Variants in GRIA4 observed in about 807,000 individuals in gnomAD.
GRIA4 encodes glutamate receptor 4.
In GRIA4, 34 loss-of-function variants were observed where a neutral mutation model predicts 104.0. That is an observed-to-expected ratio of 0.33 (90% CI 0.25 to 0.44). The LOEUF (loss-of-function observed/expected upper bound fraction) is 0.44, where lower values mean the gene tolerates loss of function less well. Ranked by LOEUF, GRIA4 falls within the 20% of genes least tolerant of loss-of-function variation. The probability of loss-of-function intolerance (pLI) is 1.00; values close to 1 mark genes in which losing one functional copy is unlikely to be tolerated. For synonymous variants in GRIA4, 386 were observed against 381.9 expected (o/e 1.01, Z -0.13); for missense variants, 750 against 1,096.5 (o/e 0.68, Z 4.46).
At chr11:105,933,118 T>C (rs1474442069) in intron 13 of GRIA4, among the ~76,000 whole-genome samples, 2 of 151,946 alleles carry the variant, frequency 1.3e-5, no homozygotes, top group Non-Finnish European at 2.9e-5. Flanking sequence ...GGCATGCACC[T>C]GTAGTCCAAG....
Position 105,948,101 on chromosome 11 carries a change from A to T in GRIA4, c.2294+14132A>T, listed in dbSNP as rs574196265. 2.0e-5 allele frequency among the ~76,000 whole-genome samples: 3 copies of T among 152,324 alleles called. No homozygotes were observed. The East Asian group carries it at 5.8e-4, about 29-fold the overall frequency. ...TTAGCTTGTAATCTCTGTTTCTATA[A>T]GAAGCACTCTTAGTTTGTAATCCCT... is the stretch of plus-strand genomic sequence containing the variant. On this transcript the variant is annotated intron_variant, in intron 14 of 16. Transcript: ENST00000282499.
At chr11:105,703,330 A>G (rs1199038985) in intron 3 of GRIA4, among the ~76,000 whole-genome samples, 1 of 152,210 alleles carries the variant, frequency 6.6e-6, no homozygotes, top group Non-Finnish European at 1.5e-5. Context: ...AACTGAGTAC[A>G]GCAGGGGTGG....
chr11:105,667,509 TCTC>T (rs1952201714), intron 3 of GRIA4, among the ~76,000 whole-genome samples: 1 of 152,034 alleles, frequency 6.6e-6, no homozygotes, highest in South Asian at 2.1e-4. Context: ...AAAACTAATA[TCTC>T]CTTTGAGCTC....
intron 3 of GRIA4, among the ~76,000 whole-genome samples, chr11:105,668,957 T>C (rs941356117): frequency 6.6e-6 from 1 of 152,010 alleles, no homozygotes; most frequent in Non-Finnish European, 1.5e-5. Context: ...CTGCTGGACA[T>C]TGCCACCTAG....
chr11:105,719,825 C>T (rs955090529), intron 3 of GRIA4, among the ~76,000 whole-genome samples: 7 of 151,004 alleles, frequency 4.6e-5, no homozygotes, highest in Non-Finnish European at 8.8e-5. Context: ...CCAAAAATGG[C>T]GACTGAAATT....
intron 10 of GRIA4, chr11:105,911,775 A>AATACAT (rs376124658): frequency 9.4e-5 from 7 of 74,654 alleles, no homozygotes; most frequent in South Asian, 5.3e-4. Context: ...CTTGAAAAGC[A>AATACAT]ATATATATAT....
At chr11:105,853,701 A>C (rs1475312177) in intron 4 of GRIA4, among the ~76,000 whole-genome samples, 1 of 152,168 alleles carries the variant, frequency 6.6e-6, no homozygotes, top group African/African-American at 2.4e-5. Context: ...CCTGGCTCTT[A>C]TACAGATAAG....
intron 14 of GRIA4, among the ~76,000 whole-genome samples, chr11:105,962,087 C>G (rs1948758702): frequency 6.6e-6 from 1 of 152,132 alleles, no homozygotes; most frequent in African/African-American, 2.4e-5. Flanking sequence ...TTTACTAAAA[C>G]TTTTTAAATT....
chr11:105,614,876 G>A (rs979419390), intron 3 of GRIA4, among the ~76,000 whole-genome samples: 3 of 151,972 alleles, frequency 2.0e-5, no homozygotes, highest in East Asian at 1.9e-4. Context: ...AAGGTAAAAC[G>A]TAAGCAGTAA....
Position 105,866,789 on chromosome 11 carries a change from G to A in GRIA4, c.672+4581G>A, listed in dbSNP as rs1271634. Among the ~76,000 whole-genome samples, 112 of 151,786 alleles carry A rather than the reference G, an allele frequency of 7.4e-4. 1 individual carries two copies. Among genetic ancestry groups the A allele is most frequent in the Middle Eastern group, 6.8e-3 (2 of 294 alleles). On this transcript the variant is annotated intron_variant, in intron 5 of 16. Coordinates refer to ENST00000282499, the MANE Select transcript of GRIA4 (RefSeq NM_000829.4). The stretch of plus-strand genomic sequence containing the variant: ...CTGCCTTGGGGGTTTTGCTATGGAT[G>A]CCAGTTATTATTAAATAGATGAGAT...
chr11:105,926,896 C>A lies in GRIA4; in HGVS notation c.2003C>A (p.Ala668Asp). ...AEDLAKQTEIAYGTLDSGSTK... is the reference protein window; with the variant it reads ...AEDLAKQTEIDYGTLDSGSTK... ...GACCTGGCCAAACAAACAGAAATTG[C>A]CTATGGAACACTGGATTCAGGATCA... The change falls in exon 13 of 17, where the codon GCC (alanine) becomes GAC (aspartate). Residue 668 changes from alanine (A) to aspartate (D), a missense_variant. Physicochemically the swap from Ala to Asp is moderately radical, Grantham distance 126 (BLOSUM62 -2). Transcript: ENST00000282499. 1.2e-6 allele frequency: 2 copies of A among 1,611,704 alleles called. No homozygotes were observed. Among genetic ancestry groups the A allele is most frequent in the Non-Finnish European group, 1.7e-6 (2 of 1,178,272 alleles).
chr11:105,662,278 T>TC (rs767947355), intron 3 of GRIA4, among the ~76,000 whole-genome samples: 19 of 152,014 alleles, frequency 1.2e-4, no homozygotes, highest in Admixed American at 3.3e-4. Flanking sequence ...GATTAGCTTG[T>TC]CTGAGTGCAT....
Position 105,915,338 on chromosome 11 carries a change from T to C in GRIA4, c.1270-3374T>C, listed in dbSNP as rs188590124. On this transcript the variant is annotated intron_variant, in intron 10 of 16. Transcript: ENST00000282499. ...AAGCTGAAGCCTTTTCTAGTCTTTG[T>C]TGGTTTGCTCAGCAGGAAAACAATG... 1.7e-3 allele frequency among the ~76,000 whole-genome samples: 260 copies of C among 152,272 alleles called. 1 individual carries two copies. Among genetic ancestry groups the C allele is most frequent in the African/African-American group, 5.9e-3 (246 of 41,556 alleles).
At chr11:105,733,433 C>G (rs1050595681) in intron 3 of GRIA4, among the ~76,000 whole-genome samples, 4 of 151,964 alleles carry the variant, frequency 2.6e-5, no homozygotes, top group Non-Finnish European at 4.4e-5. Flanking sequence ...TTTAGTTTCT[C>G]TTTGGTTTCC....
intron 3 of GRIA4, chr11:105,706,893 A>G (rs186370280): frequency 6.6e-6 from 1 of 152,430 alleles, no homozygotes; most frequent in Admixed American, 6.5e-5. Context: ...GAAGGCCTTA[A>G]GTTTGATCAA....
chr11:105,764,437 T>G (rs2135724927), intron 4 of GRIA4, among the ~76,000 whole-genome samples: 1 of 152,308 alleles, frequency 6.6e-6, no homozygotes, highest in African/African-American at 2.4e-5. Context: ...TTGAATCATT[T>G]TAGTTATTTC....
At chr11:105,880,420 GGACAAGGAATCAAACAGCT>G (rs1251694917) in intron 5 of GRIA4, among the ~76,000 whole-genome samples, 1 of 152,132 alleles carries the variant, frequency 6.6e-6, no homozygotes, top group Non-Finnish European at 1.5e-5. Context: ...AACGAACACA[GGACAAGGAATCAAACAGCT>G]GAATTTCAGC....
chr11:105,625,289 A>G (rs1950858468), intron 3 of GRIA4, among the ~76,000 whole-genome samples: 2 of 152,114 alleles, frequency 1.3e-5, no homozygotes, highest in Admixed American at 1.3e-4. Context: ...ATGTTTGCAG[A>G]CTGTTTGTTG....
At chr11:105,810,059 C>CTTAG (rs1943111689) in intron 4 of GRIA4, among the ~76,000 whole-genome samples, 1 of 152,108 alleles carries the variant, frequency 6.6e-6, no homozygotes, top group Non-Finnish European at 1.5e-5. Flanking sequence ...TCTACTTTTT[C>CTTAG]TCAGTGTGTT....
Sources: allele counts gnomAD v4.1 joint callset (sites outside exome capture counted in the v4.1 genomes callset), GRCh38; gene constraint gnomAD v4.1.1; transcripts MANE v1.5; gene names NCBI Gene and HGNC (gene_info 2026-07-23, HGNC 2026-07-21).